The following SERINC5 variants were observed in gnomAD, a reference collection of about 807,000 sequenced individuals.
The protein encoded by SERINC5 is chromosome 5 open reading frame 12.
SERINC5 carries 41 observed loss-of-function variants against 63.1 expected under a neutral mutation model. The ratio of observed to expected loss-of-function variants is 0.65; its 90% confidence interval spans 0.51 to 0.84. The LOEUF is 0.84. SERINC5 is among the 40% of genes least tolerant of loss of function. The pLI is 0.00. For missense variants in SERINC5, 523 were observed against 573.0 expected (o/e 0.91, Z 0.89); for synonymous variants, 222 against 215.2 (o/e 1.03, Z -0.28).
At chr5:80,222,048 G>A (rs535572491) in intron 1 of SERINC5, among the ~76,000 whole-genome samples, 1 of 152,156 alleles carries the variant, frequency 6.6e-6, no homozygotes, top group East Asian at 1.9e-4. Flanking sequence ...TTGAGAGGCC[G>A]AGGCAAGGAG....
intron 11 of SERINC5, among the ~76,000 whole-genome samples, chr5:80,120,857 G>T (rs534916304): frequency 5.8e-4 from 88 of 152,200 alleles, no homozygotes; most frequent in African/African-American, 2.0e-3. Context: ...AAATACCTGA[G>T]ACTTTAATTT....
chr5:80,205,644 G>T (rs1388187168), intron 1 of SERINC5, among the ~76,000 whole-genome samples: 1 of 152,044 alleles, frequency 6.6e-6, no homozygotes, highest in African/African-American at 2.4e-5. Context: ...CTTTTCTTTG[G>T]GATCTTTAAT....
At chr5:80,120,335 T>G (rs977616750) in intron 11 of SERINC5, among the ~76,000 whole-genome samples, 1 of 152,166 alleles carries the variant, frequency 6.6e-6, no homozygotes, top group African/African-American at 2.4e-5. Context: ...AGGTTTTCTT[T>G]TGTCTTACAT....
At chr5:80,205,363 A>G (rs1342353636) in intron 1 of SERINC5, among the ~76,000 whole-genome samples, 3 of 152,196 alleles carry the variant, frequency 2.0e-5, no homozygotes, top group African/African-American at 7.2e-5. Flanking sequence ...CATCAACCCT[A>G]GACGGTTTCA....
At chr5:80,180,585 T>C (rs1049331342) in intron 2 of SERINC5, among the ~76,000 whole-genome samples, 1 of 152,176 alleles carries the variant, frequency 6.6e-6, no homozygotes, top group African/African-American at 2.4e-5. Context: ...CCTCTGTGGC[T>C]GGCGCTCCCA....
chr5:80,255,721 C>T (rs1399016081), intron 1 of SERINC5, among the ~76,000 whole-genome samples, 175 bp downstream of exon 1: 1 of 152,104 alleles, frequency 6.6e-6, no homozygotes, highest in Non-Finnish European at 1.5e-5. Flanking sequence ...TCCCGCCCGC[C>T]CAGGGCACAG....
chr5:80,237,630 A>C (rs1036220404), intron 1 of SERINC5, among the ~76,000 whole-genome samples: 1 of 151,524 alleles, frequency 6.6e-6, no homozygotes, highest in African/African-American at 2.4e-5. Flanking sequence ...CCACCTCCCC[A>C]CCAGTTGCCA....
intron 1 of SERINC5, among the ~76,000 whole-genome samples, chr5:80,230,733 A>G (rs1310386914): frequency 1.3e-5 from 2 of 152,208 alleles, no homozygotes; most frequent in East Asian, 3.8e-4. Flanking sequence ...CCAAGGTCAC[A>G]GCTCCTTTGT....
intron 1 of SERINC5, among the ~76,000 whole-genome samples, chr5:80,229,050 T>TGGTGGGGGGGG: frequency 1.1e-5 from 1 of 94,164 alleles, no homozygotes; most frequent in Non-Finnish European, 2.1e-5. Flanking sequence ...TTTTTTTTTT[T>TGGTGGGGGGGG]GGGGATGGAG....
chr5:80,156,216 G>A (rs1361492715), intron 8 of SERINC5, among the ~76,000 whole-genome samples: 4 of 152,218 alleles, frequency 2.6e-5, no homozygotes, highest in East Asian at 3.9e-4. Context: ...CTGCAATTAT[G>A]TTCAAATGAC....
chr5:80,119,322 T>C (rs549231559), intron 11 of SERINC5, among the ~76,000 whole-genome samples: 48 of 152,302 alleles, frequency 3.2e-4, no homozygotes, highest in African/African-American at 1.1e-3. Context: ...CAGTCTATCC[T>C]TAGTGAAGGT....
Position 80,230,637 on chromosome 5 carries a change from C to A in SERINC5, c.27+25259G>T, listed in dbSNP as rs144067280. Among the ~76,000 whole-genome samples the A allele has an allele frequency of 2.0e-3, 297 of 152,282 alleles. 3 individuals carry two copies. The highest frequency in any genetic ancestry group is 6.9e-3 in the African/African-American group (285 of 41,574). Reference sequence around the variant, plus strand: ...ACAGACTCTGTGACACCAGCACAATCTCTCCCAACCTGTCAGGTATTACTG... The same window carrying A: ...ACAGACTCTGTGACACCAGCACAATATCTCCCAACCTGTCAGGTATTACTG... On this transcript the variant is annotated intron_variant, in intron 1 of 11. Coordinates refer to ENST00000507668, the MANE Select transcript of SERINC5 (RefSeq NM_001174072.3).
chr5:80,237,801 G>C (rs903136270), intron 1 of SERINC5, among the ~76,000 whole-genome samples: 8 of 151,764 alleles, frequency 5.3e-5, no homozygotes, highest in Non-Finnish European at 8.8e-5. Flanking sequence ...TGGAACTCTT[G>C]CTTCCAAAAA....
At chr5:80,113,217 T>C (rs895253532) in intron 12 of SERINC5, among the ~76,000 whole-genome samples, 2 of 152,344 alleles carry the variant, frequency 1.3e-5, no homozygotes, top group East Asian at 3.9e-4. Flanking sequence ...ATAGATGTTG[T>C]TGAATTGTTT....
intron 1 of SERINC5, among the ~76,000 whole-genome samples, chr5:80,205,559 C>T (rs908065724): frequency 2.6e-5 from 4 of 152,166 alleles, no homozygotes; most frequent in African/African-American, 9.7e-5. Context: ...AAATGGTAAG[C>T]TTTTTGGGTT....
intron 1 of SERINC5, among the ~76,000 whole-genome samples, chr5:80,229,816 G>A (rs994144481): frequency 6.6e-6 from 1 of 152,160 alleles, no homozygotes. Flanking sequence ...TAAATGCTCT[G>A]TGCCTCTGCT....
At chr5:80,123,747 C>G (rs1254389337) in intron 11 of SERINC5, among the ~76,000 whole-genome samples, 1 of 152,198 alleles carries the variant, frequency 6.6e-6, no homozygotes, top group Non-Finnish European at 1.5e-5. Flanking sequence ...GGTCCTTGCA[C>G]CTGAGAACGT....
intron 2 of SERINC5, among the ~76,000 whole-genome samples, chr5:80,188,776 T>A (rs529733236): frequency 1.2e-4 from 19 of 152,108 alleles, no homozygotes; most frequent in African/African-American, 4.1e-4. Flanking sequence ...TAGTCCCAGT[T>A]ACTCAGGAGG....
At chr5:80,236,369 G>A (rs1266095426) in intron 1 of SERINC5, among the ~76,000 whole-genome samples, 2 of 152,038 alleles carry the variant, frequency 1.3e-5, no homozygotes, top group African/African-American at 2.4e-5. Context: ...CCTATCATTA[G>A]AACTGGCTCT....
Sources: gnomAD v4.1 joint callset for allele counts (sites outside exome capture counted in the v4.1 genomes callset) on GRCh38, gnomAD v4.1.1 for gene constraint, MANE v1.5 for transcripts, NCBI Gene and HGNC (gene_info 2026-07-23, HGNC 2026-07-21) for gene names.